The following BANF2 variants were observed in gnomAD, a reference collection of about 807,000 sequenced individuals.
The protein encoded by BANF2 is barrier-to-autointegration factor-like protein.
BANF2 carries 4 observed loss-of-function variants against 8.0 expected under a neutral mutation model. The ratio of observed to expected loss-of-function variants is 0.50; its 90% CI spans 0.25 to 1.14. The LOEUF is 1.14. Ranked by LOEUF, BANF2 falls within the 50% of genes most tolerant of loss-of-function variation. The pLI is 0.16. For missense variants in BANF2, 96 were observed against 107.5 expected, an observed-to-expected ratio of 0.89 and a Z score of 0.47; for synonymous variants, 50 against 40.6, an observed-to-expected ratio of 1.23 and a Z score of -0.88.
At chr20:17,725,543 G>A (rs944611566) in intron 3 of BANF2, among the ~76,000 whole-genome samples, 2 of 152,230 alleles carry the variant, frequency 1.3e-5, no homozygotes, top group African/African-American at 4.8e-5. Context: ...CAGGGCACCA[G>A]CCTGGCAATG....
At chr20:17,702,698 C>T (rs541113257) in intron 1 of BANF2, among the ~76,000 whole-genome samples, 1 of 152,272 alleles carries the variant, frequency 6.6e-6, no homozygotes, top group South Asian at 2.1e-4. Context: ...AAACTGGAAC[C>T]TTCAGAAATT....
intron 3 of BANF2, among the ~76,000 whole-genome samples, chr20:17,728,450 C>T (rs1300374378): frequency 9.2e-5 from 14 of 152,282 alleles, no homozygotes; most frequent in Admixed American, 7.8e-4. Context: ...CCAATTTATC[C>T]GGATGTCCTA....
intron 1 of BANF2, among the ~76,000 whole-genome samples, chr20:17,721,655 G>C (rs758371865): frequency 2.0e-5 from 3 of 152,156 alleles, no homozygotes; most frequent in African/African-American, 7.2e-5. Context: ...GCCTCCCAAA[G>C]TGCTGCGATT....
At chr20:17,709,965 GAGGA>G (rs1289234248) in intron 1 of BANF2, among the ~76,000 whole-genome samples, 3 of 152,238 alleles carry the variant, frequency 2.0e-5, no homozygotes, top group Non-Finnish European at 4.4e-5. Flanking sequence ...CTGGTCCCAT[GAGGA>G]AGGGAGTGAG....
chr20:17,698,786 G>A (rs964108007), upstream of BANF2, among the ~76,000 whole-genome samples: 2 of 152,256 alleles, frequency 1.3e-5, no homozygotes, highest in African/African-American at 2.4e-5. Context: ...ACGTGGCTCA[G>A]TTCTGGCAAT....
intron 1 of BANF2, among the ~76,000 whole-genome samples, chr20:17,710,856 G>T (rs2037560143): frequency 6.6e-6 from 1 of 151,744 alleles, no homozygotes; most frequent in African/African-American, 2.4e-5. Flanking sequence ...TTGGACCCTT[G>T]CAGTTCCCGC....
upstream of BANF2, among the ~76,000 whole-genome samples, chr20:17,698,250 C>T (rs1600208532): frequency 6.6e-6 from 1 of 151,962 alleles, no homozygotes; most frequent in Non-Finnish European, 1.5e-5. Context: ...TGTGTGGTAC[C>T]TCCCTTGCCT....
At chr20:17,695,904 C>T (rs1023869490), upstream of BANF2, among the ~76,000 whole-genome samples, 3 of 152,194 alleles carry the variant, frequency 2.0e-5, no homozygotes, top group East Asian at 5.8e-4. Context: ...TATTCCAGGA[C>T]TTCATATAAC....
chr20:17,733,068 G>A (rs1600230900), intron 3 of BANF2, among the ~76,000 whole-genome samples: 1 of 152,194 alleles, frequency 6.6e-6, no homozygotes, highest in East Asian at 1.9e-4. Flanking sequence ...TCCAGAGGCT[G>A]CAAGACGGGG....
intron 1 of BANF2, among the ~76,000 whole-genome samples, chr20:17,708,459 G>A (rs1476926040): frequency 2.0e-5 from 3 of 152,066 alleles, no homozygotes; most frequent in East Asian, 1.9e-4. Context: ...AAATCTAAAC[G>A]TTGGGCTTCT....
chr20:17,693,821 C>G, intron 1 of BANF2: 1 of 1,247,702 alleles, frequency 8.0e-7, no homozygotes, highest in Non-Finnish European at 1.1e-6. Flanking sequence ...GAGGTGCTTT[C>G]CCGAATTCTG....
intron 1 of BANF2, among the ~76,000 whole-genome samples, chr20:17,713,116 G>A (rs1190479882): frequency 6.6e-6 from 1 of 152,108 alleles, no homozygotes; most frequent in East Asian, 1.9e-4. Context: ...GCTGAGCATG[G>A]TGGTGCATAT....
chr20:17,705,351 G>A (rs2037467711), intron 1 of BANF2, among the ~76,000 whole-genome samples: 1 of 152,188 alleles, frequency 6.6e-6, no homozygotes. Context: ...AAAACAGAGG[G>A]CGGGAGCCTC....
upstream of BANF2, among the ~76,000 whole-genome samples, chr20:17,698,777 C>T (rs1018043855): frequency 2.0e-5 from 3 of 152,236 alleles, no homozygotes; most frequent in South Asian, 2.1e-4. Flanking sequence ...TTCCCCAAAA[C>T]GTGGCTCAGT....
At chr20:17,715,101 T>C (rs796218202) in intron 1 of BANF2, among the ~76,000 whole-genome samples, 3 of 152,258 alleles carry the variant, frequency 2.0e-5, no homozygotes, top group African/African-American at 4.8e-5. Context: ...TGCTGGTCAT[T>C]GGTGGAGCTA....
intron 1 of BANF2, among the ~76,000 whole-genome samples, chr20:17,719,328 C>T (rs1186296887): frequency 6.6e-6 from 1 of 152,052 alleles, no homozygotes; most frequent in Non-Finnish European, 1.5e-5. Context: ...GACGGGGTTT[C>T]ACCATGTTGG....
intron 1 of BANF2, among the ~76,000 whole-genome samples, chr20:17,719,685 A>AT (rs1253558434): frequency 1.6e-5 from 2 of 126,176 alleles, no homozygotes; most frequent in Admixed American, 1.5e-4. Flanking sequence ...CCTTTTTTTA[A>AT]TTAAAAAAAA....
upstream of BANF2, among the ~76,000 whole-genome samples, chr20:17,695,367 G>A (rs2037338212): frequency 6.8e-6 from 1 of 147,890 alleles, no homozygotes; most frequent in Non-Finnish European, 1.5e-5. Context: ...GATTGCTTGA[G>A]CCTGGGAGGT....
intron 3 of BANF2, among the ~76,000 whole-genome samples, chr20:17,734,985 G>A (rs1210789803): frequency 6.6e-6 from 1 of 152,318 alleles, no homozygotes; most frequent in African/African-American, 2.4e-5. Flanking sequence ...TACTTGGAAA[G>A]CTGAGGCAGG....
Sources: gnomAD v4.1 joint callset for allele counts (sites outside exome capture counted in the v4.1 genomes callset) on GRCh38, gnomAD v4.1.1 for gene constraint, MANE v1.5 for transcripts, NCBI Gene and HGNC (gene_info 2026-07-23, HGNC 2026-07-21) for gene names.